The following SH3BP4 variants were observed in gnomAD, a reference collection of about 807,000 sequenced individuals.
The protein encoded by SH3BP4 is SH3 domain binding protein 4.
In SH3BP4, 33 loss-of-function variants were observed where a neutral mutation model predicts 65.5. The ratio of observed to expected loss-of-function variants is 0.50; its 90% CI spans 0.38 to 0.67. The LOEUF is 0.67. Ranked by LOEUF, SH3BP4 falls within the 30% of genes least tolerant of loss-of-function variation. SH3BP4 has a pLI of 0.00. For missense variants in SH3BP4, 1,134 were observed against 1,261.4 expected (o/e 0.90, Z 1.53); for synonymous variants, 552 against 545.5 (o/e 1.01, Z -0.17).
chr2:235,034,910 G>A lies in SH3BP4; in HGVS notation c.-93G>A. ...CCGAGTGGATGCCGCCGCGCAGCGT[G>A]TTTGCTTGAGGCAGAAGCTTCAGCA... is the stretch of plus-strand genomic sequence containing the variant. On this transcript the variant is annotated 5_prime_UTR_variant, in exon 3 of 6. Transcript: ENST00000392011. This position sits in a 1 kb window ranked among gnomAD's most constrained non-coding sequence, Gnocchi z 6.2. 1 of 1,082,642 alleles carries A rather than the reference G, an allele frequency of 9.2e-7. No individual in the cohort carries two copies. The highest frequency in any genetic ancestry group is 1.4e-6 in the Non-Finnish European group (1 of 716,210). 67.1% of individuals were successfully genotyped at this position (1,082,642 alleles called of 1,614,324 possible). A position where few individuals can be genotyped will look rare whatever the true frequency, so the allele number is the denominator to read the frequency against.
rs1693199634 is a variant in SH3BP4 at position 234,977,365 on chromosome 2, C to G, written c.-206-17938C>G. Among the ~76,000 whole-genome samples, 1 of 152,232 alleles carries G rather than the reference C, an allele frequency of 6.6e-6. No individual in the cohort carries two copies. Among genetic ancestry groups the G allele is most frequent in the East Asian group, 1.9e-4 (1 of 5,190 alleles). On this transcript the variant is annotated intron_variant, in intron 1 of 5. Coordinates refer to ENST00000392011, the MANE Select transcript of SH3BP4 (RefSeq NM_014521.3). The surrounding 1 kb of genome is among the most constrained non-coding windows in gnomAD (Gnocchi z 5.1). Reference sequence around the variant, plus strand: ...GGCCGAGGCCCATCTCTTTTCCCAACAGCACATCCTTTGTTCTCTCCAGCC... The same window carrying G: ...GGCCGAGGCCCATCTCTTTTCCCAAGAGCACATCCTTTGTTCTCTCCAGCC...
rs1410911346 is a variant in SH3BP4 at position 235,045,910 on chromosome 2, C to T, written c.2478+2663C>T. ...ATGGGGAAAATGTGAGAGTTTGAGA[C>T]AGTCAGTGTGCAGGGAGATGGGAAG... On this transcript the variant is annotated intron_variant, in intron 4 of 5. Transcript: ENST00000392011. This position sits in a 1 kb window ranked among gnomAD's most constrained non-coding sequence, Gnocchi z 4.3. Among the ~76,000 whole-genome samples, 1 of 152,188 alleles carries T rather than the reference C, an allele frequency of 6.6e-6. No homozygotes were observed. Among genetic ancestry groups the T allele is most frequent in the Non-Finnish European group, 1.5e-5 (1 of 68,038 alleles).
At chr2:235,012,792 G>T (rs1364971067) in intron 2 of SH3BP4, among the ~76,000 whole-genome samples, 1 of 152,200 alleles carries the variant, frequency 6.6e-6, no homozygotes, top group Admixed American at 6.5e-5. Context: ...CCGTGCCATT[G>T]TCCCAACTTA....
rs539580884 is a variant in SH3BP4, at chr2:234,978,495, C to T, written c.-206-16808C>T. On this transcript the variant is annotated intron_variant, in intron 1 of 5. Coordinates refer to ENST00000392011, the MANE Select transcript of SH3BP4 (RefSeq NM_014521.3). This position sits in a 1 kb window ranked among gnomAD's most constrained non-coding sequence, Gnocchi z 4.1. The stretch of plus-strand genomic sequence containing the variant: ...GGTCATCCGTCCAGCACTCTGTGCT[C>T]GCTGACTGGTGCGGTGAACTCTCCG... Among the ~76,000 whole-genome samples the T allele has an allele frequency of 5.9e-5, 9 of 152,340 alleles. No homozygotes were observed. The South Asian group carries it at 1.7e-3, about 28-fold the overall frequency.
intron 2 of SH3BP4, among the ~76,000 whole-genome samples, chr2:235,001,658 G>A (rs577262947): frequency 3.3e-5 from 5 of 152,222 alleles, no homozygotes; most frequent in South Asian, 4.1e-4. Flanking sequence ...CCTGAACGTC[G>A]AAGGTGCTCC....
intron 1 of SH3BP4, among the ~76,000 whole-genome samples, chr2:234,964,353 G>A (rs1416195859): frequency 1.3e-5 from 2 of 152,152 alleles, no homozygotes; most frequent in Non-Finnish European, 2.9e-5. Context: ...CCCTCTTCTT[G>A]TTCACGCTTT....
At chr2:235,021,204 A>G (rs1694837546) in intron 2 of SH3BP4, among the ~76,000 whole-genome samples, 1 of 152,224 alleles carries the variant, frequency 6.6e-6, no homozygotes, top group African/African-American at 2.4e-5. Flanking sequence ...GGAAGAAAAG[A>G]TGGAATAGTA....
At chr2:235,001,241 T>C (rs1694087381) in intron 2 of SH3BP4, among the ~76,000 whole-genome samples, 1 of 151,988 alleles carries the variant, frequency 6.6e-6, no homozygotes, top group Non-Finnish European at 1.5e-5. Context: ...TTTGAGGGGG[T>C]CTGTGAAACC....
intron 1 of SH3BP4, among the ~76,000 whole-genome samples, chr2:234,984,525 T>C (rs908150202): frequency 1.3e-5 from 2 of 152,154 alleles, no homozygotes; most frequent in Non-Finnish European, 2.9e-5. Context: ...AGTGTAAAAA[T>C]GTCAGATGAG....
intron 1 of SH3BP4, among the ~76,000 whole-genome samples, chr2:234,975,341 G>T (rs964175656): frequency 6.6e-6 from 1 of 152,168 alleles, no homozygotes; most frequent in Admixed American, 6.5e-5. Flanking sequence ...CTGGCGAGGT[G>T]CAGGCACTTG....
chr2:234,986,631 G>A (rs1038306690), intron 1 of SH3BP4, among the ~76,000 whole-genome samples: 3 of 151,936 alleles, frequency 2.0e-5, no homozygotes, highest in African/African-American at 7.2e-5. Flanking sequence ...TAGGATCCCA[G>A]CTTTTCACTT....
In SH3BP4 at chr2:235,026,227, G is replaced by T. The variant is rs908884388; in HGVS notation, c.-132-8644G>T. ...TCACACGCCCTCCCCTCCTCTTCCT[G>T]ACCTGTCGGGGGATCCCCAGCCTCA... On this transcript the variant is annotated intron_variant, in intron 2 of 5. Transcript: ENST00000392011. The surrounding 1 kb of genome is among the most constrained non-coding windows in gnomAD (Gnocchi z 4.6). Among the ~76,000 whole-genome samples the T allele has an allele frequency of 1.3e-5, 2 of 152,104 alleles. No homozygotes were observed. Among genetic ancestry groups the T allele is most frequent in the Non-Finnish European group, 2.9e-5 (2 of 68,018 alleles).
At chr2:235,043,819 T>A (rs888272087) in intron 4 of SH3BP4, among the ~76,000 whole-genome samples, 1 of 152,406 alleles carries the variant, frequency 6.6e-6, no homozygotes, top group Non-Finnish European at 1.5e-5. Flanking sequence ...CTGCCTGGGA[T>A]ATACGTGTGG....
rs1165277655 is a variant in SH3BP4 at position 234,952,485 on chromosome 2, G to A, written c.-207+315G>A. Reference sequence around the variant, plus strand: ...TGCGCTCGGGCCGCCCCCCAACCCCGGCTCTGGCCACTTCCCGGCGGGCGG... The same window carrying A: ...TGCGCTCGGGCCGCCCCCCAACCCCAGCTCTGGCCACTTCCCGGCGGGCGG... On this transcript the variant is annotated intron_variant, in intron 1 of 5. Transcript: ENST00000392011. The surrounding 1 kb of genome is among the most constrained non-coding windows in gnomAD (Gnocchi z 6.5). 6.6e-6 allele frequency among the ~76,000 whole-genome samples: 1 copy of A among 151,470 alleles called. No homozygotes were observed. Among genetic ancestry groups the A allele is most frequent in the African/African-American group, 2.4e-5 (1 of 41,338 alleles).
In SH3BP4 at chr2:234,997,613, T is replaced by C. The variant is rs1254663699; in HGVS notation, c.-133+2237T>C. Among the ~76,000 whole-genome samples the C allele has an allele frequency of 6.6e-6, 1 of 152,064 alleles. No homozygotes were observed. The highest frequency in any genetic ancestry group is 1.5e-5 in the Non-Finnish European group (1 of 68,008). ...CTAGGGGACGGAGCCGGTGCGGAGA[T>C]CGAGGCCCCACAAGGCCTGCCCCTG... is the stretch of plus-strand genomic sequence containing the variant. On this transcript the variant is annotated intron_variant, in intron 2 of 5. Coordinates refer to ENST00000392011, the MANE Select transcript of SH3BP4 (RefSeq NM_014521.3). This position sits in a 1 kb window ranked among gnomAD's most constrained non-coding sequence, Gnocchi z 4.2.
chr2:235,013,330 T>C (rs1003617167), intron 2 of SH3BP4, among the ~76,000 whole-genome samples: 9 of 152,110 alleles, frequency 5.9e-5, no homozygotes, highest in African/African-American at 2.2e-4. Context: ...ACCTTGTGTA[T>C]GGAGCTGTTC....
intron 3 of SH3BP4, among the ~76,000 whole-genome samples, chr2:235,036,017 C>T (rs1695366602): frequency 6.6e-6 from 1 of 152,214 alleles, no homozygotes; most frequent in African/African-American, 2.4e-5. Flanking sequence ...ATCCTCGGCC[C>T]CAGCCTAAAG....
At chr2:235,007,976 G>A (rs1253757527) in intron 2 of SH3BP4, among the ~76,000 whole-genome samples, 1 of 152,204 alleles carries the variant, frequency 6.6e-6, no homozygotes, top group Non-Finnish European at 1.5e-5. Flanking sequence ...AGAAGGACCA[G>A]CCGTTGGGGG....
In SH3BP4 at chr2:234,991,142, T is replaced by C. The variant is rs1574798427; in HGVS notation, c.-206-4161T>C. Among the ~76,000 whole-genome samples, 1 of 152,186 alleles carries C rather than the reference T, an allele frequency of 6.6e-6. No individual in the cohort carries two copies. The highest frequency in any genetic ancestry group is 1.9e-4 in the East Asian group (1 of 5,170). On this transcript the variant is annotated intron_variant, in intron 1 of 5. Transcript: ENST00000392011. This position sits in a 1 kb window ranked among gnomAD's most constrained non-coding sequence, Gnocchi z 4.2. ...CAATTCCATCTATACCATTGGGAAA[T>C]GGGGTGAATAGCTGTCTTGGTGACT...
Sources: gnomAD v4.1 joint callset for allele counts (sites outside exome capture counted in the v4.1 genomes callset) on GRCh38, gnomAD v4.1.1 for gene constraint, Gnocchi (gnomAD v3.1) non-coding constraint, MANE v1.5 for transcripts, NCBI Gene and HGNC (gene_info 2026-07-23, HGNC 2026-07-21) for gene names.